ATG7: variants seen among roughly 807,000 people sequenced by gnomAD.
ATG7 encodes autophagy related 7, also known as ubiquitin-like modifier-activating enzyme ATG7.
A neutral mutation model predicts 82.4 loss-of-function variants in ATG7; 70 were observed. The observed-to-expected ratio is 0.85, with a 90% CI of 0.70 to 1.04. The LOEUF is 1.04. Among genes scored for constraint, ATG7 ranks in the 50% least tolerant of loss-of-function variants. The pLI, the probability that ATG7 is intolerant of heterozygous loss-of-function variation, is 0.00. For synonymous variants in ATG7, 287 were observed against 313.0 expected (o/e 0.92, Z 0.88); for missense variants, 792 against 864.3 (o/e 0.92, Z 1.05).
chr3:11,296,689 A>C (rs2152686489), intron 3 of ATG7, among the ~76,000 whole-genome samples: 1 of 152,152 alleles, frequency 6.6e-6, no homozygotes, highest in African/African-American at 2.4e-5. Context: ...CACAGCACAA[A>C]CCCTCCACAT....
intron 14 of ATG7, among the ~76,000 whole-genome samples, chr3:11,355,814 T>C (rs867679332): frequency 7.2e-5 from 11 of 152,210 alleles, no homozygotes; most frequent in African/African-American, 2.4e-4. Context: ...AACATATGCC[T>C]ACCTTGTGAC....
At chr3:11,427,910 G>A (rs1339618258) in intron 20 of ATG7, among the ~76,000 whole-genome samples, 6 of 152,144 alleles carry the variant, frequency 3.9e-5, no homozygotes, top group South Asian at 2.1e-4. Context: ...TGGATCACTT[G>A]GCAAAATGTG....
intron 3 of ATG7, among the ~76,000 whole-genome samples, chr3:11,292,257 T>C (rs979288202): frequency 1.3e-4 from 19 of 149,040 alleles, no homozygotes; most frequent in Non-Finnish European, 2.4e-4. Flanking sequence ...TTTCTTTCTT[T>C]TTTTTTTTTT....
chr3:11,390,281 G>T (rs1469304999), intron 19 of ATG7, among the ~76,000 whole-genome samples: 1 of 152,228 alleles, frequency 6.6e-6, no homozygotes, highest in Non-Finnish European at 1.5e-5. Context: ...TTTTTAAAAA[G>T]TGAGTGCAAA....
At chr3:11,447,562 A>C (rs1159607212) in intron 20 of ATG7, among the ~76,000 whole-genome samples, 1 of 152,056 alleles carries the variant, frequency 6.6e-6, no homozygotes, top group Non-Finnish European at 1.5e-5. Context: ...TAGTGTCAAG[A>C]CCATCTTAGT....
chr3:11,562,222 C>T (rs1280739991), downstream of ATG7, among the ~76,000 whole-genome samples: 1 of 152,148 alleles, frequency 6.6e-6, no homozygotes, highest in Non-Finnish European at 1.5e-5. Context: ...TTAACCCCAT[C>T]TTGCCTCTCC....
Position 11,456,673 on chromosome 3 carries a change from C to T in ATG7, c.2079+29747C>T, listed in dbSNP as rs202247728. Among the ~76,000 whole-genome samples, 3 of 152,180 alleles carry T rather than the reference C, an allele frequency of 2.0e-5. No individual in the cohort carries two copies. In the East Asian group the frequency reaches 5.8e-4, roughly 29 times the overall value. On this transcript the variant is annotated intron_variant, in intron 20 of 20. Coordinates refer to ENST00000693202, the MANE Select transcript of ATG7 (RefSeq NM_001349232.2). Reference sequence around the variant, plus strand: ...AGAAGCCTTATTTCTTTCTACTCCCCCCACTACCGACCACTGTGTCTAACA... The same window carrying T: ...AGAAGCCTTATTTCTTTCTACTCCCTCCACTACCGACCACTGTGTCTAACA...
At chr3:11,460,653 A>G (rs1223243461) in intron 20 of ATG7, among the ~76,000 whole-genome samples, 1 of 152,236 alleles carries the variant, frequency 6.6e-6, no homozygotes, top group African/African-American at 2.4e-5. Flanking sequence ...TCCCTGTACA[A>G]GACACACAAT....
At chr3:11,292,254 C>CTT (rs57610397) in intron 3 of ATG7, among the ~76,000 whole-genome samples, 45 of 138,818 alleles carry the variant, frequency 3.2e-4, no homozygotes, top group South Asian at 1.6e-3. Flanking sequence ...TTCTTTCTTT[C>CTT]TTTTTTTTTT....
At chr3:11,518,999 A>G (rs1200848228) in intron 20 of ATG7, among the ~76,000 whole-genome samples, 1 of 152,166 alleles carries the variant, frequency 6.6e-6, no homozygotes, top group African/African-American at 2.4e-5. Context: ...AAAATCTTAT[A>G]TAAGTAAATA....
chr3:11,558,365 A>C, downstream of ATG7: 1 of 860,322 alleles, frequency 1.2e-6, no homozygotes, highest in Non-Finnish European at 1.7e-6. Flanking sequence ...ATCATGTTTG[A>C]GGGCCCCCTT....
At chr3:11,400,067 G>A (rs1576097835) in intron 19 of ATG7, among the ~76,000 whole-genome samples, 1 of 152,182 alleles carries the variant, frequency 6.6e-6, no homozygotes, top group East Asian at 1.9e-4. Flanking sequence ...CTGCTGGCAT[G>A]CCCATCATTT....
At chr3:11,543,999 C>T (rs867032660) in intron 20 of ATG7, among the ~76,000 whole-genome samples, 2 of 152,220 alleles carry the variant, frequency 1.3e-5, no homozygotes, top group African/African-American at 4.8e-5. Context: ...GCCTCACCAT[C>T]TGCTCTGGCC....
At chr3:11,306,827 C>T in intron 5 of ATG7, 116 bp from the exon 6 acceptor site, 1 of 745,044 alleles carries the variant, frequency 1.3e-6, no homozygotes, top group Non-Finnish European at 2.3e-6. Context: ...TACAGTTAAT[C>T]TTCTGTTTGC....
At chr3:11,344,523 T>G (rs1954186320) in intron 13 of ATG7, among the ~76,000 whole-genome samples, 1 of 152,224 alleles carries the variant, frequency 6.6e-6, no homozygotes, top group Non-Finnish European at 1.5e-5. Context: ...ACGTGGTATC[T>G]TATTCTTCTC....
At chr3:11,349,045 GGTGT>G (rs1181003234) in intron 14 of ATG7, among the ~76,000 whole-genome samples, 1 of 151,822 alleles carries the variant, frequency 6.6e-6, no homozygotes, top group African/African-American at 2.4e-5. Context: ...AGCGCTGATT[GGTGT>G]GTTTTTACAG....
intron 18 of ATG7, among the ~76,000 whole-genome samples, chr3:11,378,601 C>T (rs1426372842): frequency 1.4e-5 from 2 of 144,372 alleles, no homozygotes; most frequent in African/African-American, 2.6e-5. Context: ...AGGAGAATCA[C>T]TTGAACCCAG....
intron 9 of ATG7, among the ~76,000 whole-genome samples, chr3:11,329,204 AGT>A (rs1369121030): frequency 6.6e-6 from 1 of 152,260 alleles, no homozygotes; most frequent in Non-Finnish European, 1.5e-5. Flanking sequence ...GTTCATGGGC[AGT>A]TATACACCAA....
the ATG7 span, among the ~76,000 whole-genome samples, chr3:11,563,029 T>G: frequency 6.6e-6 from 1 of 152,170 alleles, no homozygotes; most frequent in East Asian, 1.9e-4. Context: ...GCAGTTCAGT[T>G]TTTGCAAAGC....
Sources: gnomAD v4.1 joint callset for allele counts (sites outside exome capture counted in the v4.1 genomes callset) on GRCh38, gnomAD v4.1.1 for gene constraint, MANE v1.5 for transcripts, NCBI Gene and HGNC (gene_info 2026-07-23, HGNC 2026-07-21) for gene names.